MAST2: variants seen among roughly 807,000 people sequenced by gnomAD.
The protein encoded by MAST2 is microtubule associated serine/threonine kinase 2, also known as microtubule-associated serine/threonine-protein kinase 2.
Under a neutral mutation model 147.4 loss-of-function variants are expected in MAST2, and 70 were observed. The observed-to-expected ratio is 0.47, with a 90% CI of 0.39 to 0.58. The LOEUF is 0.58. Ranked by LOEUF, MAST2 falls within the 20% of genes least tolerant of loss-of-function variation. MAST2 has a pLI of 0.00. For synonymous variants in MAST2, 869 were observed against 896.8 expected, an observed-to-expected ratio of 0.97 and a Z score of 0.55; for missense variants, 2,080 against 2,302.3, an observed-to-expected ratio of 0.90 and a Z score of 1.98.
chr1:45,883,912 G>GC (rs369757720), intron 4 of MAST2, among the ~76,000 whole-genome samples: 47 of 2,486 alleles, frequency 0.019, 22 homozygotes, highest in Non-Finnish European at 0.011. Flanking sequence ...TACTATTTCT[G>GC]CCCCCCCCGC....
Position 45,882,406 on chromosome 1 carries a change from G to T in MAST2, c.500+11G>T, listed in dbSNP as rs374043718. On this transcript the variant is annotated intron_variant, in intron 4 of 28. Coordinates refer to ENST00000361297, the MANE Select transcript of MAST2 (RefSeq NM_015112.3). ...AAGAAGAGGCAGCTTGTAAGTAGATGATTATTACCATTATGATTATGATCT... is the reference window on the plus strand; with the variant it reads ...AAGAAGAGGCAGCTTGTAAGTAGATTATTATTACCATTATGATTATGATCT... 3 of 1,604,968 alleles carry T rather than the reference G, an allele frequency of 1.9e-6. No homozygotes were observed. The highest frequency in any genetic ancestry group is 2.7e-5 in the African/African-American group (2 of 74,804).
chr1:45,922,652 G>T (rs1471615927), intron 4 of MAST2, among the ~76,000 whole-genome samples: 7 of 152,206 alleles, frequency 4.6e-5, no homozygotes, highest in Admixed American at 6.5e-5. Flanking sequence ...GAGCCTGCGA[G>T]GGGCAGGGGC....
intron 2 of MAST2, among the ~76,000 whole-genome samples, chr1:45,826,776 A>G (rs1368852320): frequency 6.6e-6 from 1 of 151,962 alleles, no homozygotes; most frequent in Non-Finnish European, 1.5e-5. Flanking sequence ...CCCCCTCATT[A>G]TCAGTGTCTG....
intron 4 of MAST2, among the ~76,000 whole-genome samples, chr1:45,922,165 A>G (rs754099001): frequency 6.6e-6 from 1 of 152,034 alleles, no homozygotes; most frequent in African/African-American, 2.4e-5. Context: ...AGGGGCTTTT[A>G]TGGGCCTCAG....
At chr1:45,962,940 A>G (rs1173487472) in intron 5 of MAST2, among the ~76,000 whole-genome samples, 4 of 152,180 alleles carry the variant, frequency 2.6e-5, no homozygotes, top group Non-Finnish European at 5.9e-5. Flanking sequence ...TAATTTTTGT[A>G]TACGGTGTAA....
intron 10 of MAST2, 75 bp downstream of exon 10, chr1:46,011,014 G>T: frequency 1.6e-6 from 2 of 1,265,406 alleles, no homozygotes; most frequent in Middle Eastern, 2.0e-4. Flanking sequence ...CTAAGATTAG[G>T]GCATTAGTGG....
chr1:45,804,423 A>T (rs973283249), intron 1 of MAST2, among the ~76,000 whole-genome samples: 1 of 152,128 alleles, frequency 6.6e-6, no homozygotes, highest in Non-Finnish European at 1.5e-5. Flanking sequence ...ATAGAGTAAG[A>T]TGTAAGTCAA....
chr1:45,822,862 T>C (rs1644678724), intron 1 of MAST2, among the ~76,000 whole-genome samples: 1 of 152,188 alleles, frequency 6.6e-6, no homozygotes, highest in African/African-American at 2.4e-5. Context: ...TGCCAAATAG[T>C]GCAAATACAA....
intron 15 of MAST2, chr1:46,024,450 A>AG (rs1380292430): frequency 5.3e-6 from 1 of 188,648 alleles, no homozygotes; most frequent in African/African-American, 2.3e-5. Flanking sequence ...ATAGTTCTGG[A>AG]GGGAGGCAGC....
intron 10 of MAST2, among the ~76,000 whole-genome samples, chr1:46,012,011 G>A (rs928633047): frequency 1.3e-5 from 2 of 152,234 alleles, no homozygotes; most frequent in African/African-American, 2.4e-5. Flanking sequence ...AGGTGAAAAA[G>A]TAGTTCCTTC....
intron 5 of MAST2, among the ~76,000 whole-genome samples, chr1:45,981,714 G>A (rs1408733691): frequency 1.3e-5 from 2 of 152,118 alleles, no homozygotes; most frequent in Admixed American, 1.3e-4. Context: ...GATGGAGTTG[G>A]TTAGGTCAGA....
At chr1:45,845,557 A>G (rs1351117924) in intron 3 of MAST2, among the ~76,000 whole-genome samples, 1 of 152,204 alleles carries the variant, frequency 6.6e-6, no homozygotes, top group Non-Finnish European at 1.5e-5. Context: ...TAGGAAAAAC[A>G]TTGTACAACA....
At chr1:45,987,772 TTTTGA>T (rs1644691591) in intron 5 of MAST2, among the ~76,000 whole-genome samples, 3 of 129,162 alleles carry the variant, frequency 2.3e-5, no homozygotes, top group African/African-American at 8.9e-5. Flanking sequence ...GTTTTTTTTT[TTTTGA>T]TTTTTTTTTT....
At chr1:45,840,378 AAT>A (rs1342866527) in intron 3 of MAST2, among the ~76,000 whole-genome samples, 1 of 152,212 alleles carries the variant, frequency 6.6e-6, no homozygotes, top group East Asian at 1.9e-4. Flanking sequence ...TACTCAAGAA[AAT>A]ATATTTGAAT....
intron 5 of MAST2, among the ~76,000 whole-genome samples, chr1:45,989,661 A>G (rs1267096064): frequency 6.6e-6 from 1 of 152,052 alleles, no homozygotes; most frequent in Non-Finnish European, 1.5e-5. Context: ...ACAAATGCGT[A>G]ATGTCACGTA....
chr1:45,863,061 T>C (rs994147555), intron 3 of MAST2, among the ~76,000 whole-genome samples: 1 of 152,200 alleles, frequency 6.6e-6, no homozygotes. Context: ...TGGTAATCTT[T>C]CCTCATCCCT....
intron 3 of MAST2, among the ~76,000 whole-genome samples, chr1:45,840,084 T>C (rs1645227510): frequency 6.6e-6 from 1 of 152,180 alleles, no homozygotes. Flanking sequence ...AAAAAAAGCT[T>C]AACCTATAAA....
intron 1 of MAST2, among the ~76,000 whole-genome samples, chr1:45,812,039 G>A (rs1284497199): frequency 6.6e-6 from 1 of 152,124 alleles, no homozygotes; most frequent in Admixed American, 6.6e-5. Flanking sequence ...CAAAATGCTG[G>A]AATTACAGGT....
At chr1:45,805,958 A>G (rs1039914567) in intron 1 of MAST2, among the ~76,000 whole-genome samples, 1 of 152,192 alleles carries the variant, frequency 6.6e-6, no homozygotes, top group African/African-American at 2.4e-5. Flanking sequence ...TACATTTCTA[A>G]TATGGTTTGG....
Sources: gnomAD v4.1 joint callset for allele counts (sites outside exome capture counted in the v4.1 genomes callset) on GRCh38, gnomAD v4.1.1 for gene constraint, MANE v1.5 for transcripts, NCBI Gene and HGNC (gene_info 2026-07-23, HGNC 2026-07-21) for gene names.